TENM1: variants seen among roughly 807,000 people sequenced by gnomAD.
The protein encoded by TENM1 is teneurin-1.
Under a neutral mutation model 174.8 loss-of-function variants are expected in TENM1, and 35 were observed. The ratio of observed to expected loss-of-function variants is 0.20; its 90% CI spans 0.15 to 0.27. TENM1 has a LOEUF of 0.27. Among genes scored for constraint, TENM1 ranks in the 10% least tolerant of loss-of-function variants. The pLI is 1.00. For missense variants in TENM1, 1,633 were observed against 2,130.1 expected (o/e 0.77, Z 4.59); for synonymous variants, 781 against 798.7 (o/e 0.98, Z 0.37).
At chrX:124,619,219 C>T (rs1231669183) in intron 11 of TENM1, among the ~76,000 whole-genome samples, 2 of 112,247 alleles carry the variant, frequency 1.8e-5, no homozygotes. Flanking sequence ...GTAGTTCCTT[C>T]GTGAGACGGT....
intron 23 of TENM1, among the ~76,000 whole-genome samples, chrX:124,450,144 T>G (rs939508789): frequency 9.1e-6 from 1 of 109,984 alleles, no homozygotes; most frequent in African/African-American, 3.3e-5. Context: ...GATCTGATGG[T>G]TTTAAAAATG....
At chrX:124,405,828 CCCTT>C (rs2060456518) in intron 26 of TENM1, among the ~76,000 whole-genome samples, 1 of 110,866 alleles carries the variant, frequency 9.0e-6, no homozygotes, top group Admixed American at 9.7e-5. Flanking sequence ...AATCCTATCT[CCCTT>C]CCTTCCTTTC....
chrX:125,195,584 C>T, the TENM1 span, among the ~76,000 whole-genome samples: 2 of 111,662 alleles, frequency 1.8e-5, no homozygotes, highest in Non-Finnish European at 3.8e-5. Flanking sequence ...GTTGACACTT[C>T]ATGAATTCTA....
chrX:124,931,205 G>C (rs1427864893), intron 1 of TENM1, among the ~76,000 whole-genome samples: 1 of 105,639 alleles, frequency 9.5e-6, no homozygotes, highest in Non-Finnish European at 1.9e-5. Context: ...ATTGTAAACA[G>C]AATCCATCTG....
intron 17 of TENM1, 83 bp from the exon 21 acceptor site, chrX:124,520,867 C>A: frequency 1.1e-6 from 1 of 929,565 alleles, no homozygotes; most frequent in South Asian, 2.7e-5. Flanking sequence ...GCTTTGTTGT[C>A]TTTGAAACAT....
intron 25 of TENM1, among the ~76,000 whole-genome samples, chrX:124,417,239 C>T (rs1324018349): frequency 9.1e-5 from 10 of 109,804 alleles, no homozygotes; most frequent in South Asian, 8.0e-4. Flanking sequence ...AACAGAGTTT[C>T]GCTCTTGTTG....
At chrX:125,031,448 T>C in the TENM1 span, among the ~76,000 whole-genome samples, 1 of 111,780 alleles carries the variant, frequency 8.9e-6, no homozygotes, top group Non-Finnish European at 1.9e-5. Context: ...TCCCCTCAAC[T>C]GAAATGTAAA....
intron 3 of TENM1, among the ~76,000 whole-genome samples, chrX:124,780,768 T>C (rs1363504857): frequency 8.9e-6 from 1 of 111,844 alleles, no homozygotes; most frequent in Non-Finnish European, 1.9e-5. Context: ...ACAAGTACTA[T>C]GCACAAGGGT....
chrX:125,190,197 G>A, the TENM1 span, among the ~76,000 whole-genome samples: 23 of 111,530 alleles, frequency 2.1e-4, no homozygotes, highest in African/African-American at 2.9e-4. Context: ...AGAACTTCTC[G>A]GTTTACATTA....
intron 9 of TENM1, among the ~76,000 whole-genome samples, chrX:124,645,593 T>C (rs761192764): frequency 1.8e-5 from 2 of 112,252 alleles, no homozygotes; most frequent in East Asian, 5.6e-4. Context: ...TCTTAAACTG[T>C]TATTGTTATT....
chrX:124,667,894 T>C (rs1000076703), intron 6 of TENM1, among the ~76,000 whole-genome samples: 1 of 111,181 alleles, frequency 9.0e-6, no homozygotes, highest in Admixed American at 9.6e-5. Flanking sequence ...CAACTGTTAA[T>C]GGGAAACCAA....
At position 124,645,234 on chromosome X, in the gene TENM1, T is replaced by C. The variant is rs753965978; in HGVS notation, c.1785A>G (p.Gln595=). The C allele has an allele frequency of 5.8e-6, 7 of 1,211,724 alleles. No individual in the cohort carries two copies. In the Admixed American group the frequency reaches 6.5e-5, roughly 11 times the overall value. ...GGCCAAAGCATGTTGGATCAATGCA[T>C]TGTTCTTCCGGAACGTCACACTCTG... Residue 595 remains glutamine (Q), a synonymous_variant, in exon 10 of 32, where the codon CAA becomes CAG. Transcript: ENST00000422452.
chrX:125,052,178 A>G, the TENM1 span, among the ~76,000 whole-genome samples: 17 of 111,910 alleles, frequency 1.5e-4, no homozygotes, highest in African/African-American at 4.9e-4. Context: ...AGCAGAAACA[A>G]TATCAAATGT....
chrX:125,152,456 A>G, the TENM1 span, among the ~76,000 whole-genome samples: 1 of 112,180 alleles, frequency 8.9e-6, no homozygotes, highest in Non-Finnish European at 1.9e-5. Flanking sequence ...TTTGGTCAAA[A>G]TCAACACAGG....
chrX:124,722,504 T>C lies in TENM1; in HGVS notation c.776+14453A>G, dbSNP rs928117947. ...ACTGTGAGAATACCAAAGGCAAACT[T>C]TTTATTTTATTTTAATCCTCCTCCC... On this transcript the variant is annotated intron_variant, in intron 4 of 31. Transcript: ENST00000422452. Among the ~76,000 whole-genome samples the C allele has an allele frequency of 5.4e-5, 6 of 110,984 alleles. No individual in the cohort carries two copies. In the South Asian group the frequency reaches 1.6e-3, roughly 29 times the overall value.
intron 7 of TENM1, among the ~76,000 whole-genome samples, chrX:124,652,451 C>A (rs1297584692): frequency 9.0e-6 from 1 of 111,142 alleles, no homozygotes. Flanking sequence ...TATGAAGAAA[C>A]CCTCACTGTA....
intron 23 of TENM1, among the ~76,000 whole-genome samples, chrX:124,452,896 G>C (rs188602267): frequency 9.3e-6 from 1 of 107,180 alleles, no homozygotes; most frequent in Non-Finnish European, 1.9e-5. Flanking sequence ...AACTTTAGGA[G>C]ATATACCTAA....
chrX:125,139,792 C>T, the TENM1 span, among the ~76,000 whole-genome samples: 1 of 103,824 alleles, frequency 9.6e-6, no homozygotes, highest in African/African-American at 3.5e-5. Context: ...AAAAGCATTA[C>T]TTCAGGTTCA....
At chrX:124,395,421 GA>G (rs146691491) in intron 27 of TENM1, among the ~76,000 whole-genome samples, 37 of 94,898 alleles carry the variant, frequency 3.9e-4, no homozygotes, top group East Asian at 3.2e-4. Flanking sequence ...TTGAACTTCT[GA>G]AAAAAAAAAA....
Sources: allele counts gnomAD v4.1 joint callset (sites outside exome capture counted in the v4.1 genomes callset), GRCh38; gene constraint gnomAD v4.1.1; transcripts MANE v1.5; gene names NCBI Gene and HGNC (gene_info 2026-07-23, HGNC 2026-07-21).